Variants in TBC1D5 observed in about 807,000 individuals in gnomAD.
The protein encoded by TBC1D5 is TBC1 domain family, member 5.
A neutral mutation model predicts 100.3 loss-of-function variants in TBC1D5; 75 were observed. The ratio of observed to expected loss-of-function variants is 0.75; its 90% CI spans 0.62 to 0.91. The LOEUF (loss-of-function observed/expected upper bound fraction) is 0.91, where lower values mean the gene tolerates loss of function less well. Among genes scored for constraint, TBC1D5 ranks in the 40% least tolerant of loss-of-function variants. TBC1D5 has a pLI of 0.00. For synonymous variants in TBC1D5, 323 were observed against 325.6 expected (o/e 0.99, Z 0.09); for missense variants, 910 against 942.4 (o/e 0.97, Z 0.45).
At chr3:17,467,822 G>A (rs1462189114) in intron 3 of TBC1D5, among the ~76,000 whole-genome samples, 5 of 152,060 alleles carry the variant, frequency 3.3e-5, no homozygotes, top group Middle Eastern at 3.4e-3. Context: ...GCTCAAACCC[G>A]GGAGGCAGAG....
At position 17,459,401 on chromosome 3, in the gene TBC1D5, A is replaced by G. The variant is rs192895735; in HGVS notation, c.98-30882T>C. On this transcript the variant is annotated intron_variant, in intron 3 of 21. Transcript: ENST00000253692. ...AATCTAAAGTCGCTACTGATCTGAC[A>G]GGAGGCAGAGCTCTGGTAGTGATGC... Among the ~76,000 whole-genome samples, 30 of 152,340 alleles carry G rather than the reference A, an allele frequency of 2.0e-4. 1 individual carries two copies. The highest frequency in any genetic ancestry group is 6.7e-4 in the African/African-American group (28 of 41,578).
At position 17,446,483 on chromosome 3, in the gene TBC1D5, G is replaced by A. The variant is rs577378957; in HGVS notation, c.98-17964C>T. ...GAGATTAAAAAAAAAAATAGGAGAG[G>A]AGTTTGGAAGAAAATATCACAAATT... On this transcript the variant is annotated intron_variant, in intron 3 of 21. Transcript: ENST00000253692. Among the ~76,000 whole-genome samples the A allele has an allele frequency of 4.7e-4, 71 of 152,066 alleles. 2 individuals are homozygous for A. In the South Asian group the frequency reaches 0.011, roughly 24 times the overall value.
At chr3:17,341,937 G>A (rs978455942) in intron 13 of TBC1D5, among the ~76,000 whole-genome samples, 3 of 151,880 alleles carry the variant, frequency 2.0e-5, no homozygotes, top group Non-Finnish European at 4.4e-5. Flanking sequence ...TACAGCATTC[G>A]CTGCCTACTT....
At chr3:17,224,923 G>A (rs1040723255) in intron 17 of TBC1D5, among the ~76,000 whole-genome samples, 5 of 152,048 alleles carry the variant, frequency 3.3e-5, no homozygotes, top group African/African-American at 1.2e-4. Flanking sequence ...TATTAATAAG[G>A]AACCTGGCCC....
In TBC1D5 at chr3:17,394,493, A is replaced by C. The variant is rs1258615292; in HGVS notation, c.509+8688T>G. Among the ~76,000 whole-genome samples, 3 of 152,152 alleles carry C rather than the reference A, an allele frequency of 2.0e-5. No homozygotes were observed. The East Asian group carries it at 5.8e-4, about 29-fold the overall frequency. On this transcript the variant is annotated intron_variant, in intron 8 of 21. Transcript: ENST00000253692. ...AATAAAAGGATTTTACTAGATGACT[A>C]TTAATGACATAAATGCTTACAATGG... is the stretch of plus-strand genomic sequence containing the variant.
At chr3:17,650,221 C>A (rs755679038) in intron 1 of TBC1D5, among the ~76,000 whole-genome samples, 13 of 151,822 alleles carry the variant, frequency 8.6e-5, no homozygotes, top group Admixed American at 1.3e-4. Flanking sequence ...CAGCAAACCA[C>A]GATGGCACAT....
At chr3:17,640,937 C>A (rs960323202) in intron 1 of TBC1D5, among the ~76,000 whole-genome samples, 3 of 149,328 alleles carry the variant, frequency 2.0e-5, no homozygotes, top group African/African-American at 2.5e-5. Context: ...CCAGGAAATA[C>A]AAAAATTCTA....
chr3:17,685,647 A>G (rs1055517138), intron 1 of TBC1D5, among the ~76,000 whole-genome samples: 11 of 152,090 alleles, frequency 7.2e-5, no homozygotes, highest in Non-Finnish European at 1.6e-4. Context: ...CACATTTTCA[A>G]TGTTTAAAAG....
At chr3:17,384,420 T>A (rs1188818957) in intron 8 of TBC1D5, among the ~76,000 whole-genome samples, 1 of 152,108 alleles carries the variant, frequency 6.6e-6, no homozygotes, top group African/African-American at 2.4e-5. Flanking sequence ...TTCCTTGATG[T>A]AAAATAGCGA....
chr3:17,260,308 A>G (rs764923277), intron 15 of TBC1D5, among the ~76,000 whole-genome samples: 5 of 152,218 alleles, frequency 3.3e-5, no homozygotes, highest in Admixed American at 6.5e-5. Flanking sequence ...ACTTTTTGCC[A>G]TAAAATAATG....
chr3:17,225,215 G>A (rs2074725357), intron 17 of TBC1D5, among the ~76,000 whole-genome samples: 1 of 152,102 alleles, frequency 6.6e-6, no homozygotes, highest in South Asian at 2.1e-4. Context: ...GAGGCAGGCA[G>A]ATCACTTGAG....
chr3:17,530,289 G>T (rs927498807), intron 2 of TBC1D5, among the ~76,000 whole-genome samples: 1 of 149,240 alleles, frequency 6.7e-6, no homozygotes, highest in Non-Finnish European at 1.5e-5. Context: ...AACCTAAAAT[G>T]CGTAATTCAA....
At chr3:17,621,280 A>G (rs1011258714) in intron 2 of TBC1D5, among the ~76,000 whole-genome samples, 1 of 152,198 alleles carries the variant, frequency 6.6e-6, no homozygotes, top group African/African-American at 2.4e-5. Flanking sequence ...TAAAGCTTAT[A>G]TATTTCCTAC....
At position 17,270,369 on chromosome 3, in the gene TBC1D5, T is replaced by C. The variant is rs372013946; in HGVS notation, c.1246-11778A>G. ...TCCCTTGATTTGTTTAAGTTCCTTA[T>C]ACATTTTGGATATCAAATCTCTCTG... On this transcript the variant is annotated intron_variant, in intron 15 of 21. Transcript: ENST00000253692. 2.6e-5 allele frequency among the ~76,000 whole-genome samples: 4 copies of C among 152,248 alleles called. No homozygotes were observed. In the South Asian group the frequency reaches 6.2e-4, roughly 24 times the overall value.
intron 13 of TBC1D5, among the ~76,000 whole-genome samples, chr3:17,347,252 A>G (rs17043439): frequency 0.09 from 13,667 of 152,104 alleles, 1,404 homozygotes; most frequent in African/African-American, 0.25. Flanking sequence ...GTTTTTGTCT[A>G]ACTCATAGTG....
chr3:17,235,184 C>T (rs2075762095), intron 17 of TBC1D5, among the ~76,000 whole-genome samples: 2 of 152,164 alleles, frequency 1.3e-5, no homozygotes, highest in Admixed American at 6.6e-5. Context: ...GCTGCTCCTT[C>T]ACTATCCTAC....
At chr3:17,218,137 C>T (rs1181362265) in intron 17 of TBC1D5, among the ~76,000 whole-genome samples, 3 of 151,988 alleles carry the variant, frequency 2.0e-5, no homozygotes, top group Non-Finnish European at 2.9e-5. Context: ...AATCTTGGCA[C>T]CCGTGCTGAA....
At chr3:17,338,852 C>T (rs2088380720) in intron 13 of TBC1D5, among the ~76,000 whole-genome samples, 1 of 152,062 alleles carries the variant, frequency 6.6e-6, no homozygotes, top group African/African-American at 2.4e-5. Flanking sequence ...AATGAATGTC[C>T]ATCATCTAAA....
chr3:17,569,073 C>T (rs1004052093), intron 2 of TBC1D5, among the ~76,000 whole-genome samples: 1 of 151,718 alleles, frequency 6.6e-6, no homozygotes, highest in Non-Finnish European at 1.5e-5. Flanking sequence ...CAAATACCCA[C>T]AAAAAGAGAA....
Sources: gnomAD v4.1 joint callset for allele counts (sites outside exome capture counted in the v4.1 genomes callset) on GRCh38, gnomAD v4.1.1 for gene constraint, MANE v1.5 for transcripts, NCBI Gene and HGNC (gene_info 2026-07-23, HGNC 2026-07-21) for gene names.